Variants in GRIK4 observed in about 807,000 individuals in gnomAD.
The protein encoded by GRIK4 is glutamate ionotropic receptor kainate type subunit 4, also known as glutamate receptor ionotropic, kainate 4.
In GRIK4, 40 loss-of-function variants were observed where a neutral mutation model predicts 104.9. That is an observed-to-expected ratio of 0.38 (90% confidence interval 0.30 to 0.50). The LOEUF (loss-of-function observed/expected upper bound fraction) is 0.50. GRIK4 is among the 20% of genes least tolerant of loss of function. The pLI, the probability that GRIK4 is intolerant of heterozygous loss-of-function variation, is 0.93. For synonymous variants in GRIK4, 485 were observed against 524.9 expected (o/e 0.92, Z 1.04); for missense variants, 1,047 against 1,308.1 (o/e 0.80, Z 3.08).
chr11:120,655,656 G>A (rs4936537), intron 2 of GRIK4, among the ~76,000 whole-genome samples: 90,705 of 152,066 alleles, frequency 0.6, 27,685 homozygotes, highest in East Asian at 0.73. Context: ...AAATGTCTGT[G>A]CTTGGACAGC....
chr11:120,863,479 G>A (rs1954314437), intron 9 of GRIK4, among the ~76,000 whole-genome samples: 1 of 152,208 alleles, frequency 6.6e-6, no homozygotes, highest in Non-Finnish European at 1.5e-5. Context: ...TTCTCATCAT[G>A]TGTCCCCATT....
At chr11:120,847,209 T>C (rs1038283387) in intron 8 of GRIK4, among the ~76,000 whole-genome samples, 1 of 152,146 alleles carries the variant, frequency 6.6e-6, no homozygotes, top group Non-Finnish European at 1.5e-5. Context: ...GCTCTCACAG[T>C]GAGTCAGGAG....
At chr11:120,845,446 G>A (rs7945271) in intron 8 of GRIK4, among the ~76,000 whole-genome samples, 49 of 152,136 alleles carry the variant, frequency 3.2e-4, no homozygotes, top group African/African-American at 1.2e-3. Flanking sequence ...TCACTTACCT[G>A]TCAAGTATTT....
chr11:120,608,831 T>C (rs536330580), intron 1 of GRIK4, among the ~76,000 whole-genome samples: 35 of 151,940 alleles, frequency 2.3e-4, no homozygotes, highest in Non-Finnish European at 4.3e-4. Flanking sequence ...ATGCTCCTTC[T>C]TCAAGGTGGA....
chr11:120,942,706 C>T (rs1324922228), intron 14 of GRIK4, among the ~76,000 whole-genome samples: 1 of 152,154 alleles, frequency 6.6e-6, no homozygotes, highest in African/African-American at 2.4e-5. Context: ...TGTTTCCTAC[C>T]ACCTGAAAAC....
chr11:120,863,691 G>A (rs538851313), intron 9 of GRIK4, among the ~76,000 whole-genome samples: 10 of 152,386 alleles, frequency 6.6e-5, no homozygotes, highest in African/African-American at 2.2e-4. Flanking sequence ...TCTCTGATAA[G>A]ACATGCCCAG....
At chr11:120,682,643 A>C (rs1950215093) in intron 3 of GRIK4, among the ~76,000 whole-genome samples, 1 of 151,218 alleles carries the variant, frequency 6.6e-6, no homozygotes, top group Non-Finnish European at 1.5e-5. Context: ...CTACAGGTAA[A>C]ATGCCATTTC....
At chr11:120,649,705 C>T (rs1312165074) in intron 1 of GRIK4, among the ~76,000 whole-genome samples, 1 of 152,228 alleles carries the variant, frequency 6.6e-6, no homozygotes, top group Non-Finnish European at 1.5e-5. Flanking sequence ...CACACACCCT[C>T]ACTCAAACAC....
chr11:120,779,723 C>G (rs1286064680), intron 3 of GRIK4, among the ~76,000 whole-genome samples: 2 of 152,210 alleles, frequency 1.3e-5, no homozygotes, highest in Non-Finnish European at 1.5e-5. Flanking sequence ...AATCATGAGG[C>G]AGGAATCTTC....
At chr11:120,930,010 G>GGT (rs1284366107) in intron 13 of GRIK4, among the ~76,000 whole-genome samples, 5 of 152,206 alleles carry the variant, frequency 3.3e-5, no homozygotes, top group Non-Finnish European at 7.4e-5. Context: ...TTTGGGGGGG[G>GGT]GGTCCCCTCC....
At chr11:120,551,004 T>C (rs1172237763) in intron 1 of GRIK4, among the ~76,000 whole-genome samples, 1 of 152,094 alleles carries the variant, frequency 6.6e-6, no homozygotes, top group Non-Finnish European at 1.5e-5. Flanking sequence ...GGGGTATTCA[T>C]GGATAACTCA....
chr11:120,565,219 C>CAT (rs1451985507), intron 1 of GRIK4, among the ~76,000 whole-genome samples: 6 of 152,216 alleles, frequency 3.9e-5, no homozygotes, highest in African/African-American at 1.4e-4. Flanking sequence ...GACTGCCTGC[C>CAT]ATGTCGCCAC....
intron 1 of GRIK4, among the ~76,000 whole-genome samples, chr11:120,602,900 A>C (rs1948905552): frequency 6.6e-6 from 1 of 152,160 alleles, no homozygotes; most frequent in African/African-American, 2.4e-5. Flanking sequence ...ATAAGGTCTC[A>C]CTATGTTGCC....
chr11:120,829,378 TAA>T (rs141439904), intron 6 of GRIK4, among the ~76,000 whole-genome samples: 41 of 149,526 alleles, frequency 2.7e-4, no homozygotes, highest in African/African-American at 9.5e-4. Context: ...GGCTGCCCCC[TAA>T]AAAAAAAATT....
At position 120,693,068 on chromosome 11, in the gene GRIK4, G is replaced by C. The variant is rs150811012; in HGVS notation, c.82+32668G>C. 2.7e-3 allele frequency among the ~76,000 whole-genome samples: 413 copies of C among 151,962 alleles called. 3 individuals are homozygous for C. The highest frequency in any genetic ancestry group is 0.013 in the East Asian group (69 of 5,160). On this transcript the variant is annotated intron_variant, in intron 3 of 20. Coordinates refer to ENST00000527524, the MANE Select transcript of GRIK4 (RefSeq NM_014619.5). ...TAAAAGAGGGGTTTTACGTAAAGAG[G>C]CTGTCTTGGCAATTTACATTTTATG...
intron 1 of GRIK4, among the ~76,000 whole-genome samples, chr11:120,585,202 C>G (rs1241677736): frequency 1.3e-5 from 2 of 152,200 alleles, no homozygotes; most frequent in African/African-American, 2.4e-5. Context: ...ATCCATGCAT[C>G]TGTCAATGGA....
chr11:120,866,532 A>G (rs966040066), intron 9 of GRIK4, among the ~76,000 whole-genome samples: 3 of 152,168 alleles, frequency 2.0e-5, no homozygotes, highest in Non-Finnish European at 2.9e-5. Flanking sequence ...TCCCAGTCCA[A>G]TGTCAGACCT....
Position 120,819,350 on chromosome 11 carries a change from C to T in GRIK4, c.346-405C>T, listed in dbSNP as rs1953044624. 6.6e-6 allele frequency among the ~76,000 whole-genome samples: 1 copy of T among 152,180 alleles called. No individual in the cohort carries two copies. The highest frequency in any genetic ancestry group is 2.1e-4 in the South Asian group (1 of 4,828). Reference sequence around the variant, plus strand: ...GTAGCGATTTTTCTCTTTCTGCCGTCTCTGCTCTGATGTATTAACTACAAA... The same window carrying T: ...GTAGCGATTTTTCTCTTTCTGCCGTTTCTGCTCTGATGTATTAACTACAAA... On this transcript the variant is annotated intron_variant, in intron 5 of 20. Coordinates refer to ENST00000527524, the MANE Select transcript of GRIK4 (RefSeq NM_014619.5). This position sits in a 1 kb window ranked among gnomAD's most constrained non-coding sequence, Gnocchi z 4.3.
intron 13 of GRIK4, among the ~76,000 whole-genome samples, chr11:120,928,213 TAA>T (rs5795252): frequency 3.2e-5 from 4 of 126,330 alleles, no homozygotes; most frequent in Non-Finnish European, 3.2e-5. Flanking sequence ...GACTCCGTCT[TAA>T]AAAAAAAAAA....
Sources: gnomAD v4.1 joint callset for allele counts (sites outside exome capture counted in the v4.1 genomes callset) on GRCh38, gnomAD v4.1.1 for gene constraint, Gnocchi (gnomAD v3.1) non-coding constraint, MANE v1.5 for transcripts, NCBI Gene and HGNC (gene_info 2026-07-23, HGNC 2026-07-21) for gene names.